DPP10: variants seen among roughly 807,000 people sequenced by gnomAD.
DPP10 encodes inactive dipeptidyl peptidase 10.
A neutral mutation model predicts 120.9 loss-of-function variants in DPP10; 33 were observed. The observed-to-expected ratio is 0.27, with a 90% CI of 0.21 to 0.37. The LOEUF (loss-of-function observed/expected upper bound fraction) is 0.37. Ranked by LOEUF, DPP10 falls within the 10% of genes least tolerant of loss-of-function variation. The probability of loss-of-function intolerance (pLI) is 1.00; values close to 1 mark genes in which losing one functional copy is unlikely to be tolerated. For synonymous variants in DPP10, 337 were observed against 326.1 expected, an observed-to-expected ratio of 1.03 and a Z score of -0.36; for missense variants, 816 against 942.8, an observed-to-expected ratio of 0.87 and a Z score of 1.76.
At chr2:115,769,520 A>G (rs1414546668) in intron 13 of DPP10, among the ~76,000 whole-genome samples, 1 of 152,062 alleles carries the variant, frequency 6.6e-6, no homozygotes, top group Middle Eastern at 3.2e-3. Flanking sequence ...CGACTGAAAG[A>G]AATAATTTGG....
chr2:115,246,836 T>C (rs974572386), intron 1 of DPP10, among the ~76,000 whole-genome samples: 4 of 152,132 alleles, frequency 2.6e-5, no homozygotes, highest in Non-Finnish European at 5.9e-5. Flanking sequence ...GTTCACATCT[T>C]GAAGAGGGTT....
chr2:115,810,716 T>G (rs746535467), intron 19 of DPP10, among the ~76,000 whole-genome samples: 5 of 152,202 alleles, frequency 3.3e-5, no homozygotes, highest in Non-Finnish European at 7.3e-5. Flanking sequence ...CAGATGGAAT[T>G]GTTCTTTTCA....
At chr2:114,617,920 T>A (rs1206969714) in intron 1 of DPP10, among the ~76,000 whole-genome samples, 1 of 152,070 alleles carries the variant, frequency 6.6e-6, no homozygotes, top group African/African-American at 2.4e-5. Context: ...GAAGCAATCA[T>A]GAAGCCAGTC....
At chr2:115,561,462 T>C (rs1306007377) in intron 5 of DPP10, among the ~76,000 whole-genome samples, 1 of 151,948 alleles carries the variant, frequency 6.6e-6, no homozygotes, top group Non-Finnish European at 1.5e-5. Context: ...ACATACTGTT[T>C]TGAGAGAATT....
At chr2:115,606,304 G>C (rs562734432) in intron 5 of DPP10, among the ~76,000 whole-genome samples, 1 of 152,020 alleles carries the variant, frequency 6.6e-6, no homozygotes, top group Middle Eastern at 3.4e-3. Flanking sequence ...ATGTTCTTTC[G>C]CTTTTTTTAA....
At chr2:115,605,372 A>T (rs569001683) in intron 5 of DPP10, among the ~76,000 whole-genome samples, 1 of 152,220 alleles carries the variant, frequency 6.6e-6, no homozygotes, top group South Asian at 2.1e-4. Context: ...TTATCACCCC[A>T]GGCTATCTCT....
intron 1 of DPP10, among the ~76,000 whole-genome samples, chr2:114,453,371 T>G (rs1678391631): frequency 6.6e-6 from 1 of 152,222 alleles, no homozygotes. Context: ...TGACTCAGTT[T>G]CCAATCAATT....
chr2:115,816,764 C>T (rs1229953436), intron 21 of DPP10, among the ~76,000 whole-genome samples: 14 of 150,184 alleles, frequency 9.3e-5, no homozygotes, highest in African/African-American at 3.2e-4. Flanking sequence ...ACTACAAGCA[C>T]GTGTCACCAC....
At chr2:115,525,840 C>T (rs2078100119) in intron 4 of DPP10, 58 bp from the exon 5 acceptor site, 1 of 1,282,758 alleles carries the variant, frequency 7.8e-7, no homozygotes, top group East Asian at 2.4e-5. Flanking sequence ...TACATTTATA[C>T]ATCCAAATTC....
chr2:114,517,585 A>G (rs571609311), intron 1 of DPP10, among the ~76,000 whole-genome samples: 2 of 152,264 alleles, frequency 1.3e-5, no homozygotes, highest in South Asian at 4.1e-4. Flanking sequence ...GGAAGTGTGT[A>G]AGACATTTTA....
chr2:114,837,325 G>A lies in DPP10; in HGVS notation c.60+394487G>A, dbSNP rs371808909. 9.2e-5 allele frequency among the ~76,000 whole-genome samples: 14 copies of A among 152,138 alleles called. 1 individual carries two copies. Among genetic ancestry groups the A allele is most frequent in the South Asian group, 2.1e-4 (1 of 4,814 alleles). On this transcript the variant is annotated intron_variant, in intron 1 of 25. Transcript: ENST00000410059. ...ACGTTCTTCTGCCATGTCTTCAGCCGGTCCCTCCGTTCCGGGTCCCTGACT... is the reference window on the plus strand; with the variant it reads ...ACGTTCTTCTGCCATGTCTTCAGCCAGTCCCTCCGTTCCGGGTCCCTGACT...
chr2:115,581,379 C>T (rs888915244), intron 5 of DPP10, among the ~76,000 whole-genome samples: 15 of 152,032 alleles, frequency 9.9e-5, no homozygotes, highest in Admixed American at 6.6e-4. Flanking sequence ...TTCATTATCA[C>T]CTTTGTGTGG....
intron 5 of DPP10, among the ~76,000 whole-genome samples, chr2:115,560,334 G>A (rs1481621834): frequency 3.7e-4 from 42 of 114,238 alleles, no homozygotes; most frequent in Non-Finnish European, 5.2e-4. Flanking sequence ...TGGTGCCACT[G>A]CACTCCAGCC....
At chr2:115,092,007 C>T (rs948885731) in intron 1 of DPP10, among the ~76,000 whole-genome samples, 7 of 152,188 alleles carry the variant, frequency 4.6e-5, no homozygotes, top group African/African-American at 1.7e-4. Context: ...AGTGCACACA[C>T]CGTGCCAGGT....
intron 1 of DPP10, among the ~76,000 whole-genome samples, chr2:114,826,591 C>T (rs1686559249): frequency 6.6e-6 from 1 of 152,272 alleles, no homozygotes; most frequent in South Asian, 2.1e-4. Context: ...CGTGCAATGT[C>T]ATGACCTCAG....
At chr2:115,380,270 CTCT>C (rs2066205276) in intron 3 of DPP10, among the ~76,000 whole-genome samples, 1 of 152,152 alleles carries the variant, frequency 6.6e-6, no homozygotes, top group South Asian at 2.1e-4. Context: ...GGATAGTTAG[CTCT>C]TCTTGTTGAA....
At chr2:115,498,687 CATAT>C (rs111745778) in intron 3 of DPP10, among the ~76,000 whole-genome samples, 2 of 132,042 alleles carry the variant, frequency 1.5e-5, no homozygotes, top group South Asian at 2.4e-4. Context: ...TTTACCTAAT[CATAT>C]ATATATATAT....
At chr2:114,559,172 T>C (rs1265545840) in intron 1 of DPP10, among the ~76,000 whole-genome samples, 2 of 152,132 alleles carry the variant, frequency 1.3e-5, no homozygotes, top group African/African-American at 4.8e-5. Flanking sequence ...CATTGCCTTG[T>C]ATGGAAAAGG....
At chr2:114,953,654 A>G (rs1697965301) in intron 1 of DPP10, among the ~76,000 whole-genome samples, 1 of 152,152 alleles carries the variant, frequency 6.6e-6, no homozygotes. Context: ...GTCATATGTA[A>G]TTGAATTTTA....
Sources: gnomAD v4.1 joint callset for allele counts (sites outside exome capture counted in the v4.1 genomes callset) on GRCh38, gnomAD v4.1.1 for gene constraint, MANE v1.5 for transcripts, NCBI Gene and HGNC (gene_info 2026-07-23, HGNC 2026-07-21) for gene names.